Variants in FHOD3 observed in about 807,000 individuals in gnomAD.
The protein encoded by FHOD3 is formin homology 2 domain containing 3, also known as FH1/FH2 domain-containing protein 3.
FHOD3 carries 90 observed loss-of-function variants against 173.0 expected under a neutral mutation model. The observed-to-expected ratio is 0.52, with a 90% confidence interval of 0.44 to 0.62. The LOEUF (loss-of-function observed/expected upper bound fraction) is 0.62. Ranked by LOEUF, FHOD3 falls within the 20% of genes least tolerant of loss-of-function variation. The probability of loss-of-function intolerance (pLI) is 0.00; values close to 1 mark genes in which losing one functional copy is unlikely to be tolerated. For missense variants in FHOD3, 1,945 were observed against 2,034.7 expected (o/e 0.96, Z 0.85); for synonymous variants, 828 against 823.0 (o/e 1.01, Z -0.10).
At chr18:36,489,854 GAA>G (rs952094357) in intron 3 of FHOD3, among the ~76,000 whole-genome samples, 2 of 152,188 alleles carry the variant, frequency 1.3e-5, no homozygotes, top group Non-Finnish European at 2.9e-5. Flanking sequence ...AACGTAGAAA[GAA>G]AGAGAGGGAG....
intron 3 of FHOD3, among the ~76,000 whole-genome samples, chr18:36,500,001 G>A (rs147132443): frequency 2.1e-4 from 32 of 152,280 alleles, no homozygotes; most frequent in African/African-American, 7.5e-4. Context: ...CTGCCACTTA[G>A]CAGCAATATG....
intron 17 of FHOD3, among the ~76,000 whole-genome samples, chr18:36,706,130 C>T (rs532392118): frequency 3.3e-5 from 5 of 152,234 alleles, no homozygotes; most frequent in East Asian, 3.9e-4. Context: ...TGTGAGCAGA[C>T]GCTGGCCCCA....
At position 36,450,443 on chromosome 18, in the gene FHOD3, GTTTATTTA is replaced by G. The variant is rs78899431; in HGVS notation, c.338-51452_338-51445del. On this transcript the variant is annotated intron_variant, in intron 3 of 28. Coordinates refer to ENST00000590592, the MANE Select transcript of FHOD3 (RefSeq NM_001281740.3). ...GACCAGTAGCATTTACGACCAGTTT[GTTTATTTA>G]TTTATTTATTTATTTATTTATTTAT... is the stretch of plus-strand genomic sequence containing the variant. 4.5e-4 allele frequency among the ~76,000 whole-genome samples: 42 copies of G among 92,980 alleles called. 1 individual carries two copies. Among genetic ancestry groups the G allele is most frequent in the East Asian group, 1.4e-3 (4 of 2,790 alleles). The allele number at this position is 92,980 out of a possible 152,430, so 61.0% of individuals were successfully genotyped here. A position where few individuals can be genotyped will look rare whatever the true frequency, so the allele number is the denominator to read the frequency against.
intron 10 of FHOD3, among the ~76,000 whole-genome samples, chr18:36,643,117 A>G (rs185586802): frequency 8.6e-5 from 13 of 151,820 alleles, no homozygotes; most frequent in African/African-American, 3.1e-4. Flanking sequence ...ATTTACCACA[A>G]TCTTTATCTA....
chr18:36,755,953 C>T lies in FHOD3; in HGVS notation c.4425+642C>T, dbSNP rs896999863. Among the ~76,000 whole-genome samples the T allele has an allele frequency of 1.4e-4, 21 of 152,228 alleles. No homozygotes were observed. In the South Asian group the frequency reaches 2.3e-3, roughly 17 times the overall value. ...CACACTTACATGTCTCCCCTGCTCC[C>T]GGGCTCTTTCCCCATCTCTCCTGTC... On this transcript the variant is annotated intron_variant, in intron 25 of 28. Transcript: ENST00000590592.
intron 16 of FHOD3, among the ~76,000 whole-genome samples, chr18:36,687,463 G>C (rs1330845309): frequency 6.6e-6 from 1 of 152,154 alleles, no homozygotes; most frequent in Non-Finnish European, 1.5e-5. Context: ...CACCACCACT[G>C]CTGAGCCTGG....
chr18:36,501,322 G>A (rs1367298259), intron 3 of FHOD3, among the ~76,000 whole-genome samples: 1 of 152,184 alleles, frequency 6.6e-6, no homozygotes, highest in Non-Finnish European at 1.5e-5. Flanking sequence ...ACTAGAAGGA[G>A]CCAGCTAGTC....
chr18:36,379,790 T>C (rs2047642626), intron 3 of FHOD3, among the ~76,000 whole-genome samples: 1 of 152,252 alleles, frequency 6.6e-6, no homozygotes, highest in African/African-American at 2.4e-5. Flanking sequence ...TGATGTGAGC[T>C]CTAGTGACCA....
chr18:36,409,934 A>G (rs1483892397), intron 3 of FHOD3, among the ~76,000 whole-genome samples: 2 of 152,248 alleles, frequency 1.3e-5, no homozygotes, highest in Admixed American at 1.3e-4. Flanking sequence ...GGAGATGATC[A>G]GAAGACAGGG....
At chr18:36,390,864 G>A (rs1392653846) in intron 3 of FHOD3, among the ~76,000 whole-genome samples, 1 of 152,206 alleles carries the variant, frequency 6.6e-6, no homozygotes, top group Non-Finnish European at 1.5e-5. Context: ...GAAATAACGA[G>A]TGGTCCACAT....
intron 1 of FHOD3, among the ~76,000 whole-genome samples, chr18:36,353,937 C>T (rs1224098935): frequency 7.0e-6 from 1 of 143,744 alleles, no homozygotes; most frequent in East Asian, 2.3e-4. Flanking sequence ...AAGGTCTCCT[C>T]TGGCTCCTCT....
At chr18:36,634,337 G>T (rs568522038) in intron 10 of FHOD3, among the ~76,000 whole-genome samples, 2 of 152,134 alleles carry the variant, frequency 1.3e-5, no homozygotes, top group African/African-American at 2.4e-5. Context: ...GTGCTGGGGG[G>T]TGAGCTCATC....
intron 3 of FHOD3, among the ~76,000 whole-genome samples, chr18:36,488,767 G>A (rs546069293): frequency 6.6e-6 from 1 of 152,310 alleles, no homozygotes; most frequent in Non-Finnish European, 1.5e-5. Flanking sequence ...CCTCTGAAAT[G>A]CAAATATGGA....
intron 10 of FHOD3, among the ~76,000 whole-genome samples, chr18:36,634,758 T>C (rs1469137260): frequency 6.6e-6 from 1 of 152,118 alleles, no homozygotes; most frequent in African/African-American, 2.4e-5. Flanking sequence ...TTAACACAAA[T>C]ATGTGCTTTG....
intron 9 of FHOD3, among the ~76,000 whole-genome samples, chr18:36,613,815 A>G (rs901647815): frequency 6.6e-6 from 1 of 152,094 alleles, no homozygotes; most frequent in East Asian, 1.9e-4. Context: ...CTGGGATTAC[A>G]AGTGTCCACC....
At chr18:36,480,795 C>A (rs1429147368) in intron 3 of FHOD3, among the ~76,000 whole-genome samples, 1 of 152,202 alleles carries the variant, frequency 6.6e-6, no homozygotes, top group African/African-American at 2.4e-5. Context: ...CATTGGCAGG[C>A]TTCAGTAATG....
At position 36,718,402 on chromosome 18, in the gene FHOD3, C is replaced by A; in HGVS notation, c.3104C>A (p.Pro1035Gln). The A allele has an allele frequency of 6.4e-7, 1 of 1,569,938 alleles. No homozygotes were observed. Among genetic ancestry groups the A allele is most frequent in the East Asian group, 2.3e-5 (1 of 43,618 alleles). ...CCCACCTTTCTGGGTTTGCCGCCCC[C>A]ACCCCCTCCGCCCCTGTTGGACAGC... ...PPPTFLGLPP[P>Q]PPPPLLDSIP... Residue 1035 changes from proline (P) to glutamine (Q), a missense_variant, in exon 19 of 29, where the codon CCA (proline) becomes CAA (glutamine). Physicochemically the swap from Pro to Gln is moderately conservative, Grantham distance 76. This residue lies in a region of FHOD3 where 1,099 missense variants were observed against 1,051.2 expected (regional missense o/e 1.05). Transcript: ENST00000590592.
At chr18:36,745,719 C>A (rs1285314543) in intron 23 of FHOD3, among the ~76,000 whole-genome samples, 1 of 151,032 alleles carries the variant, frequency 6.6e-6, no homozygotes, top group Non-Finnish European at 1.5e-5. Flanking sequence ...CCCCTCCCGA[C>A]CCCGTACCCT....
chr18:36,531,595 C>A (rs2056783528), intron 5 of FHOD3, among the ~76,000 whole-genome samples: 1 of 152,166 alleles, frequency 6.6e-6, no homozygotes, highest in South Asian at 2.1e-4. Flanking sequence ...ATTTGCAGTA[C>A]CTAAGATTAC....
Sources: allele counts gnomAD v4.1 joint callset (sites outside exome capture counted in the v4.1 genomes callset), GRCh38; gene constraint gnomAD v4.1.1; regional missense constraint gnomAD v4.1.1; transcripts MANE v1.5; gene names NCBI Gene and HGNC (gene_info 2026-07-23, HGNC 2026-07-21).